Variants in EXOC2 observed in about 807,000 individuals in gnomAD.
EXOC2 encodes the protein exocyst complex component 2.
A neutral mutation model predicts 131.8 loss-of-function variants in EXOC2; 70 were observed. The observed-to-expected ratio is 0.53, with a 90% CI of 0.44 to 0.65. The LOEUF is 0.65. Ranked by LOEUF, EXOC2 falls within the 30% of genes least tolerant of loss-of-function variation. The pLI, the probability that EXOC2 is intolerant of heterozygous loss-of-function variation, is 0.00. For synonymous variants in EXOC2, 411 were observed against 398.4 expected (o/e 1.03, Z -0.38); for missense variants, 923 against 1,108.6 (o/e 0.83, Z 2.38).
At chr6:630,125 T>C (rs1761770706) in intron 3 of EXOC2, among the ~76,000 whole-genome samples, 164 bp from the exon 4 acceptor site, 1 of 152,218 alleles carries the variant, frequency 6.6e-6, no homozygotes, top group Non-Finnish European at 1.5e-5. Context: ...AAATGACTAG[T>C]AGTTTAATTA....
intron 4 of EXOC2, among the ~76,000 whole-genome samples, chr6:626,900 T>A: frequency 6.6e-6 from 1 of 152,194 alleles, no homozygotes. Context: ...GCCGCAAACT[T>A]TTTTAAGTAT....
rs534854210 is a variant in EXOC2, at chr6:495,367, G to A, written c.2559+2000C>T. The stretch of plus-strand genomic sequence containing the variant: ...TCTCGATCTCCTGACCTCGTGATCC[G>A]CCCGCCTCGGCCTCCCAAAGTGCTG... On this transcript the variant is annotated intron_variant, in intron 25 of 27. Coordinates refer to ENST00000230449, the MANE Select transcript of EXOC2 (RefSeq NM_018303.6). Among the ~76,000 whole-genome samples the A allele has an allele frequency of 1.7e-3, 260 of 150,942 alleles. 1 individual carries two copies. Among genetic ancestry groups the A allele is most frequent in the African/African-American group, 5.5e-3 (227 of 41,068 alleles).
intron 22 of EXOC2, among the ~76,000 whole-genome samples, chr6:536,658 A>C (rs565582738): frequency 1.3e-5 from 2 of 152,222 alleles, no homozygotes; most frequent in Non-Finnish European, 2.9e-5. Context: ...ATAAACCTAT[A>C]ATAAATAAAA....
In EXOC2 at chr6:629,965, C is replaced by G. The variant is rs779898924; in HGVS notation, c.296-4G>C. On this transcript the variant is annotated splice_region_variant and splice_polypyrimidine_tract_variant and intron_variant, in intron 3 of 27. Coordinates refer to ENST00000230449, the MANE Select transcript of EXOC2 (RefSeq NM_018303.6). ...ACAGCAGACTGATCCAAAATGCCTA[C>G]AGAAATGAGGAGCATATGCTTAATA... is the stretch of plus-strand genomic sequence containing the variant. 3.1e-6 allele frequency: 5 copies of G among 1,613,686 alleles called. No homozygotes were observed. Among genetic ancestry groups the G allele is most frequent in the South Asian group, 1.1e-5 (1 of 91,034 alleles).
intron 22 of EXOC2, among the ~76,000 whole-genome samples, chr6:545,755 T>G (rs1011927857): frequency 1.3e-5 from 2 of 152,226 alleles, no homozygotes; most frequent in African/African-American, 4.8e-5. Context: ...ATTAGACATG[T>G]GATCAAAGAT....
chr6:661,687 TA>T (rs1362192065), intron 1 of EXOC2, among the ~76,000 whole-genome samples: 2 of 151,990 alleles, frequency 1.3e-5, no homozygotes, highest in East Asian at 3.8e-4. Flanking sequence ...AGAACCTCTT[TA>T]AAGCATAAAT....
rs1763015526 is a variant in EXOC2, at chr6:485,870, A to G, written c.*801T>C. 1 of 152,252 alleles carries G rather than the reference A, an allele frequency of 6.6e-6. No individual in the cohort carries two copies. The highest frequency in any genetic ancestry group is 2.4e-5 in the African/African-American group (1 of 41,440). The allele number at this position is 152,252 out of a possible 1,614,324, so 9.4% of individuals were successfully genotyped here. ...TGGCCTTTCCGTTAGGGGACCCTGA[A>G]GTCTGCGACCGCCCCGCCAACACCT... On this transcript the variant is annotated 3_prime_UTR_variant, in exon 28 of 28. Transcript: ENST00000230449.
chr6:515,242 C>T (rs1209275003), intron 23 of EXOC2, among the ~76,000 whole-genome samples: 3 of 152,200 alleles, frequency 2.0e-5, no homozygotes, highest in South Asian at 4.1e-4. Context: ...CTCCACCTCA[C>T]CCTACCCCAG....
At chr6:631,284 A>G (rs1761836136) in intron 3 of EXOC2, among the ~76,000 whole-genome samples, 1 of 152,214 alleles carries the variant, frequency 6.6e-6, no homozygotes, top group South Asian at 2.1e-4. Context: ...TCACACCTGT[A>G]ATCCCAGCAC....
intron 11 of EXOC2, among the ~76,000 whole-genome samples, chr6:583,127 T>G (rs1373384021): frequency 1.3e-5 from 2 of 152,192 alleles, no homozygotes; most frequent in African/African-American, 4.8e-5. Context: ...CAGTTTCATA[T>G]AGATTTACAT....
chr6:596,549 C>T lies in EXOC2; in HGVS notation c.1073+1472G>A, dbSNP rs1189300671. On this transcript the variant is annotated intron_variant, in intron 10 of 27. Coordinates refer to ENST00000230449, the MANE Select transcript of EXOC2 (RefSeq NM_018303.6). ...CATCTGGCTAATTTTTGATTTTTTG[C>T]AGAGACCAGGTTTTGCTATATTGCC... 1.1e-4 allele frequency among the ~76,000 whole-genome samples: 16 copies of T among 152,110 alleles called. No homozygotes were observed. The East Asian group carries it at 1.7e-3, about 17-fold the overall frequency.
Position 587,467 on chromosome 6 carries a change from A to G in EXOC2, c.1192+5002T>C, listed in dbSNP as rs570926217. 2.2e-3 allele frequency among the ~76,000 whole-genome samples: 340 copies of G among 152,264 alleles called. 1 individual carries two copies. Among genetic ancestry groups the G allele is most frequent in the Non-Finnish European group, 2.6e-3 (178 of 68,024 alleles). On this transcript the variant is annotated intron_variant, in intron 11 of 27. Transcript: ENST00000230449. ...CACTGTGTTAGCCAGGATGGTCTCG[A>G]TCTCCTGACCTCATGGTCCGCCAGC...
intron 7 of EXOC2, among the ~76,000 whole-genome samples, chr6:608,811 C>T (rs1281759492): frequency 1.3e-5 from 2 of 152,166 alleles, no homozygotes; most frequent in African/African-American, 4.8e-5. Context: ...CTGAAGTAAA[C>T]ATGTTTTTTA....
At chr6:507,558 G>C (rs1192019140) in intron 23 of EXOC2, among the ~76,000 whole-genome samples, 3 of 152,156 alleles carry the variant, frequency 2.0e-5, no homozygotes, top group Non-Finnish European at 4.4e-5. Flanking sequence ...ATGAGAAAGA[G>C]AGGGCTTTTG....
At chr6:677,563 G>C (rs990133980) in intron 1 of EXOC2, among the ~76,000 whole-genome samples, 3 of 152,020 alleles carry the variant, frequency 2.0e-5, no homozygotes, top group Admixed American at 6.5e-5. Context: ...CTGCCTCCTG[G>C]GTTCAAGCGA....
At chr6:550,083 C>G (rs370608073) in intron 21 of EXOC2, among the ~76,000 whole-genome samples, 1 of 152,258 alleles carries the variant, frequency 6.6e-6, no homozygotes, top group Admixed American at 6.5e-5. Context: ...GCTGCTGGTG[C>G]GGTTCACCGA....
chr6:585,468 A>C (rs1449711445), intron 11 of EXOC2, among the ~76,000 whole-genome samples: 1 of 152,206 alleles, frequency 6.6e-6, no homozygotes, highest in African/African-American at 2.4e-5. Context: ...ACAAGGATCT[A>C]ATGCAGGACT....
rs139928290 is a variant in EXOC2 at position 575,712 on chromosome 6, C to G, written c.1318+1045G>C. The stretch of plus-strand genomic sequence containing the variant: ...CAGTGTTCCTTTATAGCAACACAAA[C>G]AGACTAACACAGCTTAATATGGCAG... On this transcript the variant is annotated intron_variant, in intron 12 of 27. Coordinates refer to ENST00000230449, the MANE Select transcript of EXOC2 (RefSeq NM_018303.6). Among the ~76,000 whole-genome samples, 329 of 152,318 alleles carry G rather than the reference C, an allele frequency of 2.2e-3. 1 individual carries two copies. Among genetic ancestry groups the G allele is most frequent in the Non-Finnish European group, 3.5e-3 (241 of 68,024 alleles).
intron 23 of EXOC2, among the ~76,000 whole-genome samples, chr6:526,729 C>T (rs984550327): frequency 2.0e-5 from 3 of 152,062 alleles, no homozygotes; most frequent in Admixed American, 6.6e-5. Flanking sequence ...AGTGAGCCAC[C>T]GCGCCCGGCT....
Sources: allele counts gnomAD v4.1 joint callset (sites outside exome capture counted in the v4.1 genomes callset), GRCh38; gene constraint gnomAD v4.1.1; transcripts MANE v1.5; gene names NCBI Gene and HGNC (gene_info 2026-07-23, HGNC 2026-07-21).